The following CSMD1 variants were observed in gnomAD, a reference collection of about 807,000 sequenced individuals.
CSMD1 encodes CUB and sushi domain-containing protein 1.
A neutral mutation model predicts 417.5 loss-of-function variants in CSMD1; 213 were observed. The observed-to-expected ratio is 0.51, with a 90% CI of 0.46 to 0.57. The LOEUF is 0.57. CSMD1 is among the 20% of genes least tolerant of loss of function. The pLI is 0.00. For missense variants in CSMD1, 6,923 were observed against 4,529.7 expected, an observed-to-expected ratio of 1.53 and a Z score of -15.17; for synonymous variants, 2,862 against 1,736.8, an observed-to-expected ratio of 1.65 and a Z score of -16.11.
intron 6 of CSMD1, among the ~76,000 whole-genome samples, chr8:3,750,917 C>T (rs928065126): frequency 2.0e-5 from 3 of 152,140 alleles, no homozygotes; most frequent in Non-Finnish European, 4.4e-5. Context: ...ATCGTAGTGC[C>T]TTTCTGCGTA....
At chr8:4,315,444 A>G (rs922729432) in intron 3 of CSMD1, among the ~76,000 whole-genome samples, 7 of 152,190 alleles carry the variant, frequency 4.6e-5, no homozygotes, top group Non-Finnish European at 7.3e-5. Flanking sequence ...AAAATAAATC[A>G]GTGAATGCAA....
chr8:3,530,029 G>A (rs986580477), intron 10 of CSMD1, among the ~76,000 whole-genome samples: 2 of 152,132 alleles, frequency 1.3e-5, no homozygotes, highest in African/African-American at 4.8e-5. Flanking sequence ...ATAGAAGAAT[G>A]AGCCGTGAGT....
intron 1 of CSMD1, among the ~76,000 whole-genome samples, chr8:4,848,444 C>A (rs946805673): frequency 2.6e-5 from 4 of 152,118 alleles, no homozygotes; most frequent in African/African-American, 9.7e-5. Context: ...TAACGCAGTG[C>A]ATTACTCATG....
chr8:4,434,166 A>T (rs1725088), intron 2 of CSMD1, among the ~76,000 whole-genome samples: 104,593 of 152,068 alleles, frequency 0.69, 36,272 homozygotes, highest in African/African-American at 0.77. Context: ...GGTGAAAACC[A>T]GTCTCTACTA....
At chr8:3,788,808 G>A (rs1421985700) in intron 5 of CSMD1, among the ~76,000 whole-genome samples, 7 of 152,224 alleles carry the variant, frequency 4.6e-5, no homozygotes, top group South Asian at 2.1e-4. Context: ...CAGGACAGAC[G>A]CATTTATGTA....
intron 1 of CSMD1, among the ~76,000 whole-genome samples, chr8:4,953,314 C>A (rs9657373): frequency 0.82 from 124,091 of 152,126 alleles, 50,790 homozygotes; most frequent in Admixed American, 0.87. Context: ...TATCTATTCA[C>A]AATTGAACTT....
chr8:3,255,309 G>A (rs577868481), intron 26 of CSMD1, among the ~76,000 whole-genome samples: 53 of 152,236 alleles, frequency 3.5e-4, no homozygotes, highest in Non-Finnish European at 3.8e-4. Context: ...TAGGCTTCTC[G>A]GGGGACAGGG....
chr8:4,566,458 C>G (rs1380199305), intron 2 of CSMD1, among the ~76,000 whole-genome samples: 3 of 150,842 alleles, frequency 2.0e-5, no homozygotes, highest in African/African-American at 7.3e-5. Context: ...ACGAGACCAT[C>G]CTGGCTAACA....
At position 3,322,684 on chromosome 8, in the gene CSMD1, T is replaced by A. The variant is rs1806228690; in HGVS notation, c.3632-14181A>T. ...CAGGTGTGGTTGCATTATGGAGGTG[T>A]CAGACTTCATGGCAGTGGAGTCCAC... On this transcript the variant is annotated intron_variant, in intron 23 of 69. Transcript: ENST00000635120. Among the ~76,000 whole-genome samples, 4 of 152,108 alleles carry A rather than the reference T, an allele frequency of 2.6e-5. No individual in the cohort carries two copies. In the South Asian group the frequency reaches 8.3e-4, roughly 32 times the overall value.
At chr8:4,002,678 A>C (rs1170634879) in intron 4 of CSMD1, among the ~76,000 whole-genome samples, 1 of 152,232 alleles carries the variant, frequency 6.6e-6, no homozygotes, top group Non-Finnish European at 1.5e-5. Context: ...AATGGGAACC[A>C]TTATCCCTGC....
chr8:4,331,976 G>A (rs1164465981), intron 3 of CSMD1, among the ~76,000 whole-genome samples: 5 of 152,054 alleles, frequency 3.3e-5, no homozygotes, highest in African/African-American at 1.2e-4. Context: ...TTTATGCAAA[G>A]CACATCTGAA....
intron 2 of CSMD1, among the ~76,000 whole-genome samples, chr8:4,632,158 G>C (rs1802556818): frequency 6.6e-6 from 1 of 152,196 alleles, no homozygotes; most frequent in East Asian, 1.9e-4. Context: ...GTCACGTTGG[G>C]TTCCGTGCAC....
At chr8:2,946,008 G>A (rs777938479) in intron 68 of CSMD1, among the ~76,000 whole-genome samples, 12 of 152,102 alleles carry the variant, frequency 7.9e-5, no homozygotes, top group East Asian at 1.9e-4. Flanking sequence ...GCAATTTTGC[G>A]GCTGTGTGAG....
intron 1 of CSMD1, among the ~76,000 whole-genome samples, chr8:4,834,495 C>G (rs1273413791): frequency 1.3e-5 from 2 of 152,092 alleles, no homozygotes; most frequent in Non-Finnish European, 2.9e-5. Flanking sequence ...GAAGTTCGAG[C>G]TGAGTTGTAA....
chr8:4,748,677 T>C (rs1186862029), intron 1 of CSMD1, among the ~76,000 whole-genome samples: 1 of 152,178 alleles, frequency 6.6e-6, no homozygotes, highest in Non-Finnish European at 1.5e-5. Flanking sequence ...AAAATTCAAG[T>C]TTGTAGGGGG....
intron 2 of CSMD1, among the ~76,000 whole-genome samples, chr8:4,443,140 G>C (rs1192635763): frequency 2.0e-5 from 3 of 152,152 alleles, no homozygotes; most frequent in African/African-American, 4.8e-5. Context: ...TATAGCAACA[G>C]TATCTTATTC....
At chr8:3,591,996 G>A (rs1453903912) in intron 8 of CSMD1, among the ~76,000 whole-genome samples, 13 of 152,054 alleles carry the variant, frequency 8.5e-5, no homozygotes, top group South Asian at 2.1e-4. Flanking sequence ...GATAAAAGAC[G>A]GATGGATAGA....
At chr8:4,811,785 G>A (rs930846931) in intron 1 of CSMD1, among the ~76,000 whole-genome samples, 5 of 151,790 alleles carry the variant, frequency 3.3e-5, no homozygotes, top group Non-Finnish European at 5.9e-5. Flanking sequence ...TTAGGAATAT[G>A]GTTTAAAATA....
At chr8:4,850,710 G>C (rs1309068043) in intron 1 of CSMD1, among the ~76,000 whole-genome samples, 3 of 152,046 alleles carry the variant, frequency 2.0e-5, no homozygotes, top group Non-Finnish European at 4.4e-5. Context: ...GAAGTGCAGA[G>C]TGTCGTGAAG....
Sources: gnomAD v4.1 joint callset for allele counts (sites outside exome capture counted in the v4.1 genomes callset) on GRCh38, gnomAD v4.1.1 for gene constraint, MANE v1.5 for transcripts, NCBI Gene and HGNC (gene_info 2026-07-23, HGNC 2026-07-21) for gene names.